Variants in IMMP2L observed in about 807,000 individuals in gnomAD.
The protein encoded by IMMP2L is inner mitochondrial membrane peptidase subunit 2.
Under a neutral mutation model 19.3 loss-of-function variants are expected in IMMP2L, and 18 were observed. The ratio of observed to expected loss-of-function variants is 0.93; its 90% CI spans 0.64 to 1.38. The LOEUF (loss-of-function observed/expected upper bound fraction) is 1.38. Among genes scored for constraint, IMMP2L ranks in the 40% most tolerant of loss-of-function variants. The probability of loss-of-function intolerance (pLI) is 0.00; values close to 1 mark genes in which losing one functional copy is unlikely to be tolerated. For missense variants in IMMP2L, 233 were observed against 218.2 expected (o/e 1.07, Z -0.43); for synonymous variants, 76 against 73.0 (o/e 1.04, Z -0.21).
At chr7:111,232,517 G>GA (rs1450341648) in intron 3 of IMMP2L, among the ~76,000 whole-genome samples, 1 of 151,868 alleles carries the variant, frequency 6.6e-6, no homozygotes, top group African/African-American at 2.4e-5. Context: ...ATCTGACATG[G>GA]AAATTTTCAA....
intron 3 of IMMP2L, among the ~76,000 whole-genome samples, chr7:111,371,526 A>G (rs987694459): frequency 6.6e-6 from 1 of 152,026 alleles, no homozygotes; most frequent in Non-Finnish European, 1.5e-5. Context: ...GGCATCCATC[A>G]AAAGAGGACT....
chr7:110,988,912 C>G (rs1822146219), intron 3 of IMMP2L, among the ~76,000 whole-genome samples: 1 of 152,006 alleles, frequency 6.6e-6, no homozygotes, highest in African/African-American at 2.4e-5. Flanking sequence ...AAATGATCCT[C>G]TGGGAGAAAA....
At chr7:111,284,489 A>G (rs1402810729) in intron 3 of IMMP2L, among the ~76,000 whole-genome samples, 1 of 152,132 alleles carries the variant, frequency 6.6e-6, no homozygotes, top group Non-Finnish European at 1.5e-5. Flanking sequence ...CATGGAAAGG[A>G]AACTTGAAGG....
intron 3 of IMMP2L, among the ~76,000 whole-genome samples, chr7:110,989,669 A>G (rs1168279985): frequency 6.6e-6 from 1 of 150,728 alleles, no homozygotes; most frequent in Non-Finnish European, 1.5e-5. Flanking sequence ...ATTTCTAAAT[A>G]AAAATATTAA....
chr7:110,737,317 C>T (rs770513442), intron 5 of IMMP2L, among the ~76,000 whole-genome samples: 1 of 152,200 alleles, frequency 6.6e-6, no homozygotes, highest in Non-Finnish European at 1.5e-5. Context: ...TGGAAACAGA[C>T]TCAGTGCCAT....
chr7:111,373,048 T>A (rs1265897339), intron 3 of IMMP2L, among the ~76,000 whole-genome samples: 2 of 151,704 alleles, frequency 1.3e-5, no homozygotes, highest in Non-Finnish European at 2.9e-5. Context: ...GCCCCTACAA[T>A]ATCTTCCAAT....
intron 3 of IMMP2L, among the ~76,000 whole-genome samples, chr7:111,038,812 G>C (rs1791602154): frequency 6.6e-6 from 1 of 152,124 alleles, no homozygotes. Flanking sequence ...TATAAATCAA[G>C]TTATTAGTAG....
intron 5 of IMMP2L, among the ~76,000 whole-genome samples, chr7:110,824,098 T>G (rs955521793): frequency 1.3e-5 from 2 of 152,238 alleles, no homozygotes; most frequent in South Asian, 4.1e-4. Flanking sequence ...ACATTCTCTA[T>G]AGGCCAGGAG....
At chr7:111,500,019 G>A (rs889033532) in intron 2 of IMMP2L, among the ~76,000 whole-genome samples, 5 of 152,246 alleles carry the variant, frequency 3.3e-5, no homozygotes, top group Admixed American at 6.5e-5. Flanking sequence ...TGCCTCACTC[G>A]GGAAGCACAA....
At chr7:111,155,698 A>T (rs1404170041) in intron 3 of IMMP2L, among the ~76,000 whole-genome samples, 1 of 151,820 alleles carries the variant, frequency 6.6e-6, no homozygotes, top group Admixed American at 6.6e-5. Flanking sequence ...ACACACACAG[A>T]CAGTCATGTT....
chr7:110,807,920 T>C (rs917709565), intron 5 of IMMP2L, among the ~76,000 whole-genome samples: 9 of 152,034 alleles, frequency 5.9e-5, no homozygotes, highest in Non-Finnish European at 8.8e-5. Context: ...TGGCTTAATA[T>C]CTGTGTGTTA....
At chr7:111,406,506 G>GGT (rs1390368575) in intron 3 of IMMP2L, among the ~76,000 whole-genome samples, 2 of 152,022 alleles carry the variant, frequency 1.3e-5, no homozygotes, top group African/African-American at 4.8e-5. Flanking sequence ...AGCCATGCAA[G>GGT]GTGTGGCCTC....
At chr7:111,485,585 G>A (rs760097191) in intron 3 of IMMP2L, among the ~76,000 whole-genome samples, 38 of 97,528 alleles carry the variant, frequency 3.9e-4, no homozygotes, top group Non-Finnish European at 5.9e-4. Flanking sequence ...GCAACAGAGC[G>A]AGACTCTGTT....
At chr7:111,002,318 A>C (rs993896798) in intron 3 of IMMP2L, among the ~76,000 whole-genome samples, 2 of 152,182 alleles carry the variant, frequency 1.3e-5, no homozygotes, top group Non-Finnish European at 2.9e-5. Context: ...CAGGAGAACG[A>C]ATGTGTTAAC....
chr7:111,168,009 G>A (rs76883801), intron 3 of IMMP2L, among the ~76,000 whole-genome samples: 7,939 of 151,884 alleles, frequency 0.052, 382 homozygotes, highest in African/African-American at 0.12. Flanking sequence ...GAAACTTAGA[G>A]ATTTCTACTT....
At chr7:111,388,951 G>T (rs1381534022) in intron 3 of IMMP2L, among the ~76,000 whole-genome samples, 2 of 152,052 alleles carry the variant, frequency 1.3e-5, no homozygotes, top group African/African-American at 4.8e-5. Flanking sequence ...TCCTAGGTTT[G>T]TTCACTGAAA....
chr7:111,400,868 T>G (rs1298044448), intron 3 of IMMP2L, among the ~76,000 whole-genome samples: 2 of 152,054 alleles, frequency 1.3e-5, no homozygotes, highest in African/African-American at 4.8e-5. Context: ...TTTTCTTGTT[T>G]CCATAATGAT....
chr7:111,362,610 GAA>G (rs879724105), intron 3 of IMMP2L, among the ~76,000 whole-genome samples: 12 of 152,050 alleles, frequency 7.9e-5, no homozygotes, highest in Middle Eastern at 3.2e-3. Flanking sequence ...TTTGATGTGT[GAA>G]AACTATCAGC....
At chr7:111,287,366 C>T (rs1039294664) in intron 3 of IMMP2L, among the ~76,000 whole-genome samples, 2 of 152,014 alleles carry the variant, frequency 1.3e-5, no homozygotes, top group Non-Finnish European at 2.9e-5. Flanking sequence ...ATCTGCAAAC[C>T]CTGATTTTGA....
Sources: gnomAD v4.1 joint callset for allele counts (sites outside exome capture counted in the v4.1 genomes callset) on GRCh38, gnomAD v4.1.1 for gene constraint, MANE v1.5 for transcripts, NCBI Gene and HGNC (gene_info 2026-07-23, HGNC 2026-07-21) for gene names.